PLEKHA7: variants seen among roughly 807,000 people sequenced by gnomAD.
PLEKHA7 encodes the protein pleckstrin homology domain containing A7, also known as pleckstrin homology domain-containing family A member 7.
Under a neutral mutation model 170.0 loss-of-function variants are expected in PLEKHA7, and 104 were observed. The observed-to-expected ratio is 0.61, with a 90% confidence interval of 0.52 to 0.72. PLEKHA7 has a LOEUF of 0.72. PLEKHA7 is among the 30% of genes least tolerant of loss of function. The pLI is 0.00. For synonymous variants in PLEKHA7, 648 were observed against 660.8 expected, an observed-to-expected ratio of 0.98 and a Z score of 0.30; for missense variants, 1,615 against 1,671.7, an observed-to-expected ratio of 0.97 and a Z score of 0.59.
At chr11:16,851,996 T>A (rs1279611133) in intron 7 of PLEKHA7, among the ~76,000 whole-genome samples, 1 of 152,234 alleles carries the variant, frequency 6.6e-6, no homozygotes, top group African/African-American at 2.4e-5. Flanking sequence ...CACCAGTTGC[T>A]CATCCAACAT....
In PLEKHA7 at chr11:16,791,558, G is replaced by A. The variant is rs1043791754; in HGVS notation, c.2746-359C>T. The A allele has an allele frequency of 8.1e-6, 4 of 491,212 alleles. No homozygotes were observed. Among genetic ancestry groups the A allele is most frequent in the African/African-American group, 5.8e-5 (3 of 51,504 alleles). 30.4% of individuals were successfully genotyped at this position (491,212 alleles called of 1,614,324 possible). A position where few individuals can be genotyped will look rare whatever the true frequency, so the allele number is the denominator to read the frequency against. On this transcript the variant is annotated intron_variant, in intron 19 of 26. Transcript: ENST00000531066. The surrounding 1 kb of genome is among the most constrained non-coding windows in gnomAD (Gnocchi z 4.5). ...GCAGGCAGGCTGCTAACCCTGCCCT[G>A]ACTTCCATGCTTATCACAGCACCAC...
chr11:16,953,149 C>T (rs188468655), intron 3 of PLEKHA7, among the ~76,000 whole-genome samples: 1 of 152,260 alleles, frequency 6.6e-6, no homozygotes, highest in African/African-American at 2.4e-5. Flanking sequence ...GCCAGATGCA[C>T]AGGAAGGGAC....
chr11:16,875,168 T>A (rs942060010), intron 3 of PLEKHA7, among the ~76,000 whole-genome samples: 2 of 152,200 alleles, frequency 1.3e-5, no homozygotes, highest in African/African-American at 4.8e-5. Context: ...CACAGCATCA[T>A]CACCACCACC....
At chr11:16,894,048 G>C (rs949827769) in intron 3 of PLEKHA7, among the ~76,000 whole-genome samples, 2 of 152,130 alleles carry the variant, frequency 1.3e-5, no homozygotes, top group Non-Finnish European at 2.9e-5. Context: ...CCCTTCTACT[G>C]GTCCTCTAGC....
intron 3 of PLEKHA7, among the ~76,000 whole-genome samples, chr11:16,942,765 T>G (rs916879356): frequency 6.6e-6 from 1 of 152,248 alleles, no homozygotes; most frequent in African/African-American, 2.4e-5. Flanking sequence ...GCTTTGCAGC[T>G]CTGCAATAAA....
intron 3 of PLEKHA7, among the ~76,000 whole-genome samples, chr11:16,983,786 G>A (rs558825520): frequency 6.6e-6 from 1 of 152,352 alleles, no homozygotes; most frequent in African/African-American, 2.4e-5. Context: ...AAGGCTCCCT[G>A]GATGCCGTAG....
chr11:16,968,059 C>A (rs1862482004), intron 3 of PLEKHA7, among the ~76,000 whole-genome samples: 1 of 152,118 alleles, frequency 6.6e-6, no homozygotes, highest in African/African-American at 2.4e-5. Flanking sequence ...CCCCACTTAG[C>A]CCAAGTCAAA....
At chr11:16,792,958 T>G (rs558211228) in intron 19 of PLEKHA7, among the ~76,000 whole-genome samples, 2 of 152,148 alleles carry the variant, frequency 1.3e-5, no homozygotes, top group East Asian at 3.9e-4. Flanking sequence ...TAAAAACAAG[T>G]AAGTAATAAA....
chr11:16,820,960 C>A (rs1359551169), intron 10 of PLEKHA7, among the ~76,000 whole-genome samples: 4 of 152,150 alleles, frequency 2.6e-5, no homozygotes, highest in East Asian at 3.9e-4. Flanking sequence ...AGACCCCATG[C>A]GAGCAAGTGG....
chr11:16,917,867 T>G (rs1858809788), intron 3 of PLEKHA7, among the ~76,000 whole-genome samples: 1 of 152,202 alleles, frequency 6.6e-6, no homozygotes, highest in Non-Finnish European at 1.5e-5. Flanking sequence ...CTCCATGTAG[T>G]CCTAAAGCAC....
chr11:16,996,033 T>C (rs975381596), intron 3 of PLEKHA7, among the ~76,000 whole-genome samples: 4 of 152,208 alleles, frequency 2.6e-5, no homozygotes, highest in Admixed American at 6.5e-5. Context: ...CTAAATACAT[T>C]TGGCCCACCA....
intron 3 of PLEKHA7, among the ~76,000 whole-genome samples, chr11:16,983,830 G>T (rs1428337490): frequency 5.3e-5 from 8 of 152,170 alleles, no homozygotes; most frequent in Non-Finnish European, 1.0e-4. Flanking sequence ...TGGAATGAGG[G>T]CCCAGGCCAA....
intron 3 of PLEKHA7, among the ~76,000 whole-genome samples, chr11:16,927,139 G>A (rs1012346830): frequency 1.3e-5 from 2 of 152,164 alleles, no homozygotes; most frequent in Admixed American, 6.5e-5. Context: ...GGTGATCTGT[G>A]ATGCACTCCA....
intron 3 of PLEKHA7, among the ~76,000 whole-genome samples, chr11:16,931,414 C>T (rs1018309979): frequency 6.6e-5 from 10 of 152,062 alleles, no homozygotes; most frequent in Non-Finnish European, 5.9e-5. Context: ...CCTAAGGAGG[C>T]TTGAATTAAT....
At chr11:16,954,883 G>C (rs1055914028) in intron 3 of PLEKHA7, among the ~76,000 whole-genome samples, 8 of 151,874 alleles carry the variant, frequency 5.3e-5, no homozygotes, top group Admixed American at 4.6e-4. Context: ...TTAGAGACGG[G>C]GTTTCACTAT....
At chr11:16,988,089 C>G (rs1432467665) in intron 3 of PLEKHA7, among the ~76,000 whole-genome samples, 1 of 152,256 alleles carries the variant, frequency 6.6e-6, no homozygotes, top group African/African-American at 2.4e-5. Flanking sequence ...ACCTCACCTA[C>G]AGGGGAAGGA....
At chr11:16,856,031 T>C in intron 4 of PLEKHA7, 117 bp from the exon 5 acceptor site, 2 of 803,450 alleles carry the variant, frequency 2.5e-6, no homozygotes, top group South Asian at 3.3e-5. Context: ...CAACCCTGAT[T>C]GTTTGGAGGC....
intron 3 of PLEKHA7, among the ~76,000 whole-genome samples, chr11:16,941,223 G>C (rs1252229941): frequency 6.6e-6 from 1 of 152,106 alleles, no homozygotes; most frequent in Non-Finnish European, 1.5e-5. Flanking sequence ...ATGAACAAAG[G>C]CTCCATAATC....
At position 16,817,224 on chromosome 11, in the gene PLEKHA7, G is replaced by C. The variant is rs752768985; in HGVS notation, c.1442C>G (p.Ser481Trp). The change falls in exon 11 of 27, where the codon TCG becomes TGG. Residue 481 changes from serine to tryptophan, a missense_variant. Physicochemically the swap from Ser to Trp is radical, Grantham distance 177. Transcript: ENST00000531066. The surrounding 1 kb of genome is among the most constrained non-coding windows in gnomAD (Gnocchi z 4.4). ...TCGGGGAGGTGGCGAGGAGCCCCCC[G>C]AGGGGTGTCGGGTGCTCTTGGGAAG... ...QTLPKSTRHPSGGSSPPPRNL... is the reference protein window; with the variant it reads ...QTLPKSTRHPWGGSSPPPRNL... The C allele has an allele frequency of 6.2e-7, 1 of 1,613,920 alleles. No homozygotes were observed. The highest frequency in any genetic ancestry group is 1.3e-5 in the African/African-American group (1 of 74,930).
Sources: allele counts gnomAD v4.1 joint callset (sites outside exome capture counted in the v4.1 genomes callset), GRCh38; gene constraint gnomAD v4.1.1; non-coding constraint Gnocchi (gnomAD v3.1); transcripts MANE v1.5; gene names NCBI Gene and HGNC (gene_info 2026-07-23, HGNC 2026-07-21).